The following GMDS variants were observed in gnomAD, a reference collection of about 807,000 sequenced individuals.
GMDS encodes the protein GDP-mannose 4,6-dehydratase, also known as GDP-mannose 4,6 dehydratase.
A neutral mutation model predicts 49.9 loss-of-function variants in GMDS; 20 were observed. The observed-to-expected ratio is 0.40, with a 90% CI of 0.28 to 0.58. GMDS has a LOEUF of 0.58. Ranked by LOEUF, GMDS falls within the 20% of genes least tolerant of loss-of-function variation. The pLI is 0.42. For synonymous variants in GMDS, 177 were observed against 178.6 expected (o/e 0.99, Z 0.07); for missense variants, 362 against 481.4 (o/e 0.75, Z 2.32).
chr6:2,245,232 G>C (rs1394585674), intron 1 of GMDS, 89 bp downstream of exon 1: 2 of 921,910 alleles, frequency 2.2e-6, no homozygotes, highest in Non-Finnish European at 3.4e-6. Context: ...GCTGTTCCTG[G>C]AGAGACCGCA....
intron 7 of GMDS, among the ~76,000 whole-genome samples, chr6:1,810,153 A>G (rs1770357706): frequency 6.6e-6 from 1 of 152,074 alleles, no homozygotes; most frequent in Non-Finnish European, 1.5e-5. Context: ...GAGGAGAGGG[A>G]GCTGGCTAAC....
At chr6:1,862,834 T>TA (rs1220893835) in intron 7 of GMDS, among the ~76,000 whole-genome samples, 1 of 152,244 alleles carries the variant, frequency 6.6e-6, no homozygotes, top group African/African-American at 2.4e-5. Context: ...CTATAGTTTT[T>TA]ATGCATATAA....
In GMDS at chr6:1,640,839, C is replaced by T. The variant is rs879750407; in HGVS notation, c.988-16299G>A. ...ATGGGGGGGGTCACGAATGCCAACA[C>T]GGTACTGTTTAGGCAGAGTTATGAT... On this transcript the variant is annotated intron_variant, in intron 9 of 10. Transcript: ENST00000380815. The surrounding 1 kb of genome is among the most constrained non-coding windows in gnomAD (Gnocchi z 4.0). Among the ~76,000 whole-genome samples the T allele has an allele frequency of 3.9e-5, 6 of 152,098 alleles. No individual in the cohort carries two copies. Among genetic ancestry groups the T allele is most frequent in the Admixed American group, 3.9e-4 (6 of 15,278 alleles).
chr6:1,818,210 T>C (rs1450573668), intron 7 of GMDS, among the ~76,000 whole-genome samples: 1 of 152,234 alleles, frequency 6.6e-6, no homozygotes, highest in Non-Finnish European at 1.5e-5. Flanking sequence ...CCAGGTCAAC[T>C]AAAATGTGTT....
chr6:1,948,589 C>T (rs953612671), intron 6 of GMDS, among the ~76,000 whole-genome samples: 1 of 151,976 alleles, frequency 6.6e-6, no homozygotes, highest in South Asian at 2.1e-4. Flanking sequence ...CCCAGGAGTC[C>T]GAGGCTGCAG....
At chr6:2,240,829 G>A (rs1781584323) in intron 1 of GMDS, among the ~76,000 whole-genome samples, 1 of 152,122 alleles carries the variant, frequency 6.6e-6, no homozygotes, top group Non-Finnish European at 1.5e-5. Context: ...TCAGTCTGTT[G>A]CATTTGCTGT....
intron 8 of GMDS, among the ~76,000 whole-genome samples, chr6:1,738,068 C>T (rs1486835602): frequency 1.4e-5 from 2 of 145,006 alleles, no homozygotes; most frequent in African/African-American, 5.1e-5. Flanking sequence ...CACATACACA[C>T]ATACCACACA....
At position 1,666,365 on chromosome 6, in the gene GMDS, A is replaced by G. The variant is rs575970055; in HGVS notation, c.988-41825T>C. On this transcript the variant is annotated intron_variant, in intron 9 of 10. Transcript: ENST00000380815. The stretch of plus-strand genomic sequence containing the variant: ...TGGTCCTGATGATGCACCAAGACCA[A>G]GAATATTTCTTATTTATGGAGGAAA... Among the ~76,000 whole-genome samples, 5 of 152,246 alleles carry G rather than the reference A, an allele frequency of 3.3e-5. No homozygotes were observed. In the East Asian group the frequency reaches 9.7e-4, roughly 29 times the overall value.
chr6:1,682,516 C>CA lies in GMDS; in HGVS notation c.987+43899dup, dbSNP rs1166151641. Among the ~76,000 whole-genome samples the CA allele has an allele frequency of 5.3e-5, 8 of 152,298 alleles. No homozygotes were observed. In the East Asian group the frequency reaches 1.5e-3, roughly 29 times the overall value. On this transcript the variant is annotated intron_variant, in intron 9 of 10. Coordinates refer to ENST00000380815, the MANE Select transcript of GMDS (RefSeq NM_001500.4). Reference sequence around the variant, plus strand: ...GTGCCCACTAGGCCAGGCAGGCGGGCAGGCCAGTCAGTGAGGAATCTGCCC... The same window carrying CA: ...GTGCCCACTAGGCCAGGCAGGCGGGCAAGGCCAGTCAGTGAGGAATCTGCCC...
intron 7 of GMDS, among the ~76,000 whole-genome samples, chr6:1,749,651 G>A (rs1383443825): frequency 6.6e-6 from 1 of 151,876 alleles, no homozygotes; most frequent in Non-Finnish European, 1.5e-5. Context: ...ACACCTTCTT[G>A]CCACTGTGTA....
chr6:2,044,002 A>G (rs944602198), intron 4 of GMDS, among the ~76,000 whole-genome samples: 1 of 152,250 alleles, frequency 6.6e-6, no homozygotes, highest in African/African-American at 2.4e-5. Context: ...AATGCACATC[A>G]AAATACAGTG....
chr6:2,080,495 C>G (rs1351223730), intron 4 of GMDS, among the ~76,000 whole-genome samples: 3 of 152,210 alleles, frequency 2.0e-5, no homozygotes, highest in Non-Finnish European at 4.4e-5. Flanking sequence ...GAACATGTAT[C>G]TATGGTGTTG....
At chr6:1,696,952 A>G (rs921479267) in intron 9 of GMDS, among the ~76,000 whole-genome samples, 10 of 152,198 alleles carry the variant, frequency 6.6e-5, no homozygotes, top group African/African-American at 2.4e-4. Flanking sequence ...ATCTTTAAGC[A>G]TTTGTTTTTG....
At chr6:1,835,405 A>G (rs866355041) in intron 7 of GMDS, among the ~76,000 whole-genome samples, 27 of 152,298 alleles carry the variant, frequency 1.8e-4, no homozygotes, top group Middle Eastern at 6.8e-3. Flanking sequence ...ATGCTGGGAG[A>G]TCAGCAGCAT....
At chr6:1,825,804 G>A (rs952408455) in intron 7 of GMDS, among the ~76,000 whole-genome samples, 2 of 152,172 alleles carry the variant, frequency 1.3e-5, no homozygotes, top group African/African-American at 4.8e-5. Flanking sequence ...AGGCTAGCTA[G>A]GAGTTTCAGA....
chr6:1,926,910 G>A (rs1420032655), intron 7 of GMDS, among the ~76,000 whole-genome samples: 1 of 152,204 alleles, frequency 6.6e-6, no homozygotes, highest in Non-Finnish European at 1.5e-5. Flanking sequence ...AGGCTTGGAT[G>A]GCAAGGAGAA....
intron 4 of GMDS, among the ~76,000 whole-genome samples, chr6:2,080,873 T>C (rs1772650937): frequency 6.6e-6 from 1 of 152,208 alleles, no homozygotes; most frequent in South Asian, 2.1e-4. Context: ...GTATTTCATC[T>C]CAGGTAAGTT....
intron 3 of GMDS, among the ~76,000 whole-genome samples, chr6:2,116,509 T>C (rs1335543028): frequency 6.6e-6 from 1 of 152,224 alleles, no homozygotes; most frequent in Non-Finnish European, 1.5e-5. Flanking sequence ...GATCTATATC[T>C]ACATCCAGTG....
intron 1 of GMDS, among the ~76,000 whole-genome samples, chr6:2,212,084 A>G (rs548496182): frequency 2.0e-5 from 3 of 152,334 alleles, no homozygotes; most frequent in African/African-American, 7.2e-5. Context: ...TTTTTAATTT[A>G]GAACCTGTGT....
Sources: gnomAD v4.1 joint callset for allele counts (sites outside exome capture counted in the v4.1 genomes callset) on GRCh38, gnomAD v4.1.1 for gene constraint, Gnocchi (gnomAD v3.1) non-coding constraint, MANE v1.5 for transcripts, NCBI Gene and HGNC (gene_info 2026-07-23, HGNC 2026-07-21) for gene names.